The following MTX2 variants were observed in gnomAD, a reference collection of about 807,000 sequenced individuals.
The protein encoded by MTX2 is metaxin 2.
In MTX2, 35 loss-of-function variants were observed where a neutral mutation model predicts 42.3. The ratio of observed to expected loss-of-function variants is 0.83; its 90% confidence interval spans 0.63 to 1.10. MTX2 has a LOEUF of 1.10. Ranked by LOEUF, MTX2 falls within the 50% of genes least tolerant of loss-of-function variation. The probability of loss-of-function intolerance (pLI) is 0.00; values close to 1 mark genes in which losing one functional copy is unlikely to be tolerated. For missense variants in MTX2, 307 were observed against 304.1 expected (o/e 1.01, Z -0.07); for synonymous variants, 119 against 100.9 (o/e 1.18, Z -1.08).
At chr2:176,300,217 T>A (rs1231356969) in intron 3 of MTX2, among the ~76,000 whole-genome samples, 1 of 152,066 alleles carries the variant, frequency 6.6e-6, no homozygotes, top group Non-Finnish European at 1.5e-5. Context: ...CTGGAAAAAG[T>A]AACTTTGATA....
chr2:176,334,097 C>G (rs1335811070), intron 9 of MTX2, among the ~76,000 whole-genome samples: 1 of 151,672 alleles, frequency 6.6e-6, no homozygotes, highest in Non-Finnish European at 1.5e-5. Context: ...TTTTTATATG[C>G]TCATGCCCAT....
chr2:176,329,413 A>G lies in MTX2; in HGVS notation c.530A>G (p.Lys177Arg). 1 of 1,606,970 alleles carries G rather than the reference A, an allele frequency of 6.2e-7. No homozygotes were observed. The highest frequency in any genetic ancestry group is 1.1e-5 in the South Asian group (1 of 90,702). Residue 177 changes from lysine (K) to arginine (R), a missense_variant, in exon 8 of 10, where the codon AAG (lysine) becomes AGG (arginine). Transcript: ENST00000249442. ...ATGAAAGCTATTGGATGGGGAAAGA[A>G]GACTCTGGACCAGGTCAGTTCAGGT... The part of the protein sequence containing the change: ...RKMKAIGWGK[K>R]TLDQVLEDVD...
chr2:176,279,219 G>A (rs1458548439), intron 1 of MTX2, among the ~76,000 whole-genome samples: 1 of 152,056 alleles, frequency 6.6e-6, no homozygotes, highest in Non-Finnish European at 1.5e-5. Flanking sequence ...GACTTTTGAT[G>A]TGTATATTTA....
intron 3 of MTX2, among the ~76,000 whole-genome samples, chr2:176,315,648 A>G (rs928311370): frequency 1.3e-5 from 2 of 152,130 alleles, no homozygotes; most frequent in African/African-American, 4.8e-5. Context: ...GAAGCCAAAG[A>G]CTTCACAATT....
intron 5 of MTX2, 29 bp downstream of exon 5, chr2:176,326,930 T>A: frequency 7.6e-7 from 1 of 1,307,778 alleles, no homozygotes; most frequent in Non-Finnish European, 1.1e-6. Context: ...ATGTATTTGA[T>A]CAGTTACCAA....
At chr2:176,321,468 C>G (rs553900292) in intron 3 of MTX2, among the ~76,000 whole-genome samples, 4 of 152,100 alleles carry the variant, frequency 2.6e-5, no homozygotes, top group Non-Finnish European at 4.4e-5. Flanking sequence ...TGACAGAAAC[C>G]CAATATAGTG....
chr2:176,285,553 A>G (rs560000912), intron 1 of MTX2, among the ~76,000 whole-genome samples: 2 of 151,840 alleles, frequency 1.3e-5, no homozygotes, highest in Admixed American at 6.6e-5. Flanking sequence ...GCCTGAGTCA[A>G]CCACTGGTCT....
chr2:176,331,138 A>G (rs1471916754), intron 9 of MTX2, among the ~76,000 whole-genome samples: 1 of 151,250 alleles, frequency 6.6e-6, no homozygotes, highest in Non-Finnish European at 1.5e-5. Flanking sequence ...AATGTTAATG[A>G]AAATATTTGT....
chr2:176,269,591 T>C lies in MTX2; in HGVS notation c.-39T>C. 7.1e-6 allele frequency: 11 copies of C among 1,560,238 alleles called. No individual in the cohort carries two copies. Among genetic ancestry groups the C allele is most frequent in the Non-Finnish European group, 8.6e-6 (10 of 1,157,388 alleles). Reference sequence around the variant, plus strand: ...TTGCGGTGGAGGACGCTGAGGCCCGTGGGGGGCAGGCACCCGGGCGCCGGG... The same window carrying C: ...TTGCGGTGGAGGACGCTGAGGCCCGCGGGGGGCAGGCACCCGGGCGCCGGG... On this transcript the variant is annotated 5_prime_UTR_variant, in exon 1 of 10. Transcript: ENST00000249442.
At chr2:176,282,594 C>T (rs1180666850) in intron 1 of MTX2, among the ~76,000 whole-genome samples, 3 of 151,580 alleles carry the variant, frequency 2.0e-5, no homozygotes, top group African/African-American at 7.3e-5. Context: ...ATGAATATTT[C>T]TATAGGGCTT....
chr2:176,302,737 C>G (rs1684055092), intron 3 of MTX2, among the ~76,000 whole-genome samples: 1 of 152,076 alleles, frequency 6.6e-6, no homozygotes, highest in African/African-American at 2.4e-5. Context: ...TGCACCTGAC[C>G]AAAAGTCAGC....
intron 1 of MTX2, among the ~76,000 whole-genome samples, chr2:176,293,863 G>C (rs1683765612): frequency 6.6e-6 from 1 of 152,182 alleles, no homozygotes; most frequent in South Asian, 2.1e-4. Flanking sequence ...TCATAGGTAA[G>C]ATAGGCAGCT....
At chr2:176,322,980 A>T (rs1046874765) in intron 3 of MTX2, among the ~76,000 whole-genome samples, 1 of 151,880 alleles carries the variant, frequency 6.6e-6, no homozygotes, top group East Asian at 1.9e-4. Flanking sequence ...TTTTCCTCTA[A>T]AATGAGGAAG....
intron 3 of MTX2, among the ~76,000 whole-genome samples, chr2:176,312,863 C>CAAAAAAAAAAAAAAA (rs557475003): frequency 1.2e-4 from 7 of 56,020 alleles, no homozygotes; most frequent in African/African-American, 3.3e-4. Context: ...AATGCCATCT[C>CAAAAAAAAAAAAAAA]AAAAAAAAAA....
At chr2:176,292,738 T>C (rs1347416523) in intron 1 of MTX2, among the ~76,000 whole-genome samples, 3 of 152,234 alleles carry the variant, frequency 2.0e-5, no homozygotes, top group African/African-American at 4.8e-5. Context: ...AGATTTTTTT[T>C]CTTTCATGTC....
chr2:176,323,039 A>C (rs1684621895), intron 3 of MTX2, among the ~76,000 whole-genome samples: 1 of 151,870 alleles, frequency 6.6e-6, no homozygotes, highest in South Asian at 2.1e-4. Context: ...ATAGCTTATA[A>C]AATTTGGACT....
chr2:176,328,380 G>T lies in MTX2; in HGVS notation c.373G>T (p.Ala125Ser). 1.3e-6 allele frequency: 2 copies of T among 1,551,456 alleles called. No homozygotes were observed. The highest frequency in any genetic ancestry group is 8.7e-7 in the Non-Finnish European group (1 of 1,150,306). The stretch of plus-strand genomic sequence containing the variant: ...ATTAGTCAACAATATGCTGTTGACT[G>T]CAGAGGTAAAATACTAGATGATACG... ...MELVNNMLLT[A>S]ELYLQWCDEA... Residue 125 changes from alanine (A) to serine (S), a missense_variant, in exon 6 of 10, where the codon GCA (alanine) becomes TCA (serine). By Grantham distance (99) the Ala-to-Ser change is moderately conservative. Coordinates refer to ENST00000249442, the MANE Select transcript of MTX2 (RefSeq NM_006554.5).
chr2:176,319,866 T>A (rs1258705230), intron 3 of MTX2, among the ~76,000 whole-genome samples: 3 of 151,976 alleles, frequency 2.0e-5, no homozygotes. Context: ...GAGCCAAAAA[T>A]TTTTAAAAAT....
chr2:176,317,525 A>C (rs943503293), intron 3 of MTX2, among the ~76,000 whole-genome samples: 1 of 152,106 alleles, frequency 6.6e-6, no homozygotes, highest in Non-Finnish European at 1.5e-5. Context: ...GGCTAAAGAG[A>C]TGAGGGACTT....
Sources: gnomAD v4.1 joint callset for allele counts (sites outside exome capture counted in the v4.1 genomes callset) on GRCh38, gnomAD v4.1.1 for gene constraint, MANE v1.5 for transcripts, NCBI Gene and HGNC (gene_info 2026-07-23, HGNC 2026-07-21) for gene names.